The following ESRRG variants were observed in gnomAD, a reference collection of about 807,000 sequenced individuals.
ESRRG encodes the protein estrogen related receptor gamma.
Under a neutral mutation model 44.0 loss-of-function variants are expected in ESRRG, and 13 were observed. The ratio of observed to expected loss-of-function variants is 0.30; its 90% CI spans 0.19 to 0.47. The LOEUF is 0.47. Among genes scored for constraint, ESRRG ranks in the 20% least tolerant of loss-of-function variants. The pLI is 1.00. For synonymous variants in ESRRG, 215 were observed against 214.6 expected (o/e 1.00, Z -0.02); for missense variants, 395 against 580.6 (o/e 0.68, Z 3.29).
At chr1:216,646,643 C>T (rs1270239915) in intron 3 of ESRRG, among the ~76,000 whole-genome samples, 1 of 152,166 alleles carries the variant, frequency 6.6e-6, no homozygotes, top group South Asian at 2.1e-4. Context: ...GTATGCTAAG[C>T]TCTCAACCTG....
intron 2 of ESRRG, among the ~76,000 whole-genome samples, chr1:216,875,852 T>C (rs2096343381): frequency 6.6e-6 from 1 of 151,490 alleles, no homozygotes; most frequent in Non-Finnish European, 1.5e-5. Context: ...AGAGTGGTTT[T>C]CCCAATCTAC....
At chr1:217,000,868 C>CCA (rs1307736939) in intron 1 of ESRRG, 8 of 152,256 alleles carry the variant, frequency 5.3e-5, no homozygotes, top group Non-Finnish European at 1.5e-5. Flanking sequence ...CTCCAGCTAT[C>CCA]CACACTATGC....
chr1:216,578,298 C>T (rs1441477491), intron 3 of ESRRG, among the ~76,000 whole-genome samples: 1 of 152,038 alleles, frequency 6.6e-6, no homozygotes, highest in African/African-American at 2.4e-5. Context: ...TAAGTCTACA[C>T]AGTCATAGTA....
At chr1:217,054,869 G>C in intron 1 of ESRRG, among the ~76,000 whole-genome samples, 1 of 152,112 alleles carries the variant, frequency 6.6e-6, no homozygotes, top group East Asian at 1.9e-4. Context: ...CACAGGCCCT[G>C]TGAGATCTGA....
chr1:217,081,419 G>A (rs982942623), intron 1 of ESRRG, among the ~76,000 whole-genome samples: 1 of 151,428 alleles, frequency 6.6e-6, no homozygotes, highest in Non-Finnish European at 1.5e-5. Context: ...TAGAGATGGG[G>A]TTTCTCCACG....
At chr1:217,027,362 TCTTTC>T (rs2081372854) in intron 1 of ESRRG, among the ~76,000 whole-genome samples, 1 of 152,186 alleles carries the variant, frequency 6.6e-6, no homozygotes, top group Admixed American at 6.5e-5. Flanking sequence ...ATTATTGTCC[TCTTTC>T]CTTACACCCT....
chr1:216,679,522 A>G (rs1002162537), intron 1 of ESRRG, among the ~76,000 whole-genome samples: 3 of 152,046 alleles, frequency 2.0e-5, no homozygotes, highest in African/African-American at 7.2e-5. Flanking sequence ...GTACTAAACC[A>G]TGCTTGCTCC....
At chr1:216,973,144 G>A (rs2072055052) in intron 1 of ESRRG, among the ~76,000 whole-genome samples, 1 of 152,128 alleles carries the variant, frequency 6.6e-6, no homozygotes, top group African/African-American at 2.4e-5. Flanking sequence ...CTAAACAGCT[G>A]CTGGGATGAT....
intron 6 of ESRRG, among the ~76,000 whole-genome samples, chr1:216,518,252 C>T (rs2044999648): frequency 6.6e-6 from 1 of 152,024 alleles, no homozygotes; most frequent in African/African-American, 2.4e-5. Context: ...AACAAATAGC[C>T]GTCCGCCCAT....
intron 1 of ESRRG, among the ~76,000 whole-genome samples, chr1:217,088,129 T>C (rs1342735325): frequency 1.3e-5 from 2 of 149,486 alleles, no homozygotes; most frequent in East Asian, 3.9e-4. Context: ...CATTTCCGAC[T>C]CTTTTTCTCT....
At chr1:216,589,455 C>A (rs1315260524) in intron 3 of ESRRG, among the ~76,000 whole-genome samples, 2 of 151,736 alleles carry the variant, frequency 1.3e-5, no homozygotes, top group East Asian at 3.9e-4. Context: ...CTGATGTGAC[C>A]CAGGAAAGCC....
chr1:217,003,579 AAG>A (rs1560437016), intron 1 of ESRRG, among the ~76,000 whole-genome samples: 43 of 147,712 alleles, frequency 2.9e-4, no homozygotes, highest in East Asian at 5.9e-4. Flanking sequence ...ACTAATTAAT[AAG>A]TATTAATATT....
intron 3 of ESRRG, among the ~76,000 whole-genome samples, chr1:216,589,617 G>A (rs922241134): frequency 1.3e-5 from 2 of 152,008 alleles, no homozygotes; most frequent in African/African-American, 4.8e-5. Context: ...TCCAAACTAA[G>A]GGAAGAGAAA....
At chr1:216,872,379 T>C (rs932924370) in intron 2 of ESRRG, among the ~76,000 whole-genome samples, 20 of 152,224 alleles carry the variant, frequency 1.3e-4, no homozygotes, top group African/African-American at 4.6e-4. Flanking sequence ...TCTTCAAGTG[T>C]GTTTTAGCAC....
intron 2 of ESRRG, among the ~76,000 whole-genome samples, chr1:216,858,769 AG>A (rs1303579041): frequency 7.9e-5 from 12 of 152,196 alleles, no homozygotes; most frequent in African/African-American, 2.4e-4. Flanking sequence ...CTGATCACAT[AG>A]AAGACACTCA....
chr1:217,014,233 G>A (rs1048798866), intron 1 of ESRRG, among the ~76,000 whole-genome samples: 5 of 152,120 alleles, frequency 3.3e-5, no homozygotes, highest in Non-Finnish European at 7.4e-5. Flanking sequence ...GAAGCTGGAT[G>A]AAGTGGGTGT....
intron 2 of ESRRG, among the ~76,000 whole-genome samples, chr1:216,839,921 A>G (rs2095625350): frequency 6.6e-6 from 1 of 152,266 alleles, no homozygotes. Context: ...GATAGAGCAC[A>G]GGCAGAGAAG....
At chr1:216,984,696 T>A (rs1218279917) in intron 1 of ESRRG, among the ~76,000 whole-genome samples, 2 of 152,162 alleles carry the variant, frequency 1.3e-5, no homozygotes, top group African/African-American at 4.8e-5. Context: ...GAGAAGAGAA[T>A]CCCTTAGTGA....
chr1:216,708,625 A>G (rs2082920162), intron 1 of ESRRG, among the ~76,000 whole-genome samples: 1 of 152,244 alleles, frequency 6.6e-6, no homozygotes, highest in Admixed American at 6.5e-5. Flanking sequence ...GAGAGTGTAA[A>G]TTAGTTCAAC....
Sources: allele counts gnomAD v4.1 joint callset (sites outside exome capture counted in the v4.1 genomes callset), GRCh38; gene constraint gnomAD v4.1.1; transcripts MANE v1.5; gene names NCBI Gene and HGNC (gene_info 2026-07-23, HGNC 2026-07-21).